The following PBRM1 variants were observed in gnomAD, a reference collection of about 807,000 sequenced individuals.
PBRM1 encodes the protein polybromo 1.
In PBRM1, 27 loss-of-function variants were observed where a neutral mutation model predicts 194.5. That is an observed-to-expected ratio of 0.14 (90% CI 0.10 to 0.19). The LOEUF (loss-of-function observed/expected upper bound fraction) is 0.19, where lower values mean the gene tolerates loss of function less well. PBRM1 is among the 10% of genes least tolerant of loss of function. The probability of loss-of-function intolerance (pLI) is 1.00; values close to 1 mark genes in which losing one functional copy is unlikely to be tolerated. For synonymous variants in PBRM1, 655 were observed against 693.2 expected, an observed-to-expected ratio of 0.94 and a Z score of 0.87; for missense variants, 1,466 against 2,077.2, an observed-to-expected ratio of 0.71 and a Z score of 5.72.
chr3:52,550,838 GCA>G, intron 27 of PBRM1, 21 bp from the exon 30 acceptor site: 1 of 1,532,088 alleles, frequency 6.5e-7, no homozygotes, highest in Non-Finnish European at 9.0e-7. Flanking sequence ...GAATGCAATG[GCA>G]CAGTTAGAGG....
intron 4 of PBRM1, among the ~76,000 whole-genome samples, chr3:52,661,515 CTG>C (rs2096724636): frequency 6.6e-6 from 1 of 152,074 alleles, no homozygotes; most frequent in African/African-American, 2.4e-5. Context: ...GAAGACAACC[CTG>C]TGATGACAGG....
intron 17 of PBRM1, among the ~76,000 whole-genome samples, chr3:52,589,607 A>G (rs1170453395): frequency 1.3e-5 from 2 of 152,218 alleles, no homozygotes; most frequent in Non-Finnish European, 2.9e-5. Flanking sequence ...AATTCTAGAG[A>G]TAATCTCTGA....
In PBRM1 at chr3:52,648,226, G is replaced by A. The variant is rs1008513541; in HGVS notation, c.813+118C>T. On this transcript the variant is annotated intron_variant, in intron 7 of 29. Coordinates refer to ENST00000296302, the Ensembl canonical transcript of PBRM1. ...CCAGCCTAAATTAAACACTTTTAAT[G>A]GGTAAAGTCCATGGTATGTGAATTA... The A allele has an allele frequency of 8.0e-6, 5 of 625,460 alleles. No individual in the cohort carries two copies. The East Asian group carries it at 1.4e-4, about 18-fold the overall frequency. 38.7% of individuals were successfully genotyped at this position (625,460 alleles called of 1,614,324 possible). A position where few individuals can be genotyped will look rare whatever the true frequency, so the allele number is the denominator to read the frequency against.
chr3:52,603,405 T>C (rs2153344969), intron 17 of PBRM1, 116 bp downstream of exon 19: 2 of 1,022,348 alleles, frequency 2.0e-6, no homozygotes, highest in South Asian at 1.7e-5. Flanking sequence ...TACTCTAATA[T>C]AGTCAATACC....
At chr3:52,670,358 C>T (rs1049521905) in intron 2 of PBRM1, among the ~76,000 whole-genome samples, 1 of 152,158 alleles carries the variant, frequency 6.6e-6, no homozygotes, top group Non-Finnish European at 1.5e-5. Context: ...ATCAAACATA[C>T]AGAAAACCAT....
At chr3:52,638,044 C>G (rs1381731865) in intron 10 of PBRM1, among the ~76,000 whole-genome samples, 1 of 152,088 alleles carries the variant, frequency 6.6e-6, no homozygotes, top group East Asian at 1.9e-4. Flanking sequence ...GGAACTGAAA[C>G]AATTATCAAA....
In PBRM1 at chr3:52,559,522, G is replaced by C. The variant is rs555813468; in HGVS notation, c.4289-1109C>G. On this transcript the variant is annotated intron_variant, in intron 25 of 29. Transcript: ENST00000296302. Reference sequence around the variant, plus strand: ...ACAGGCAGTCACTTGTCCAAGGATAGAGAGAACCAGCAACCCTATGGCCCT... The same window carrying C: ...ACAGGCAGTCACTTGTCCAAGGATACAGAGAACCAGCAACCCTATGGCCCT... Among the ~76,000 whole-genome samples the C allele has an allele frequency of 4.6e-5, 7 of 152,300 alleles. No individual in the cohort carries two copies. In the East Asian group the frequency reaches 9.7e-4, roughly 21 times the overall value.
chr3:52,577,259 C>T (rs2089911973), intron 21 of PBRM1, among the ~76,000 whole-genome samples: 1 of 151,902 alleles, frequency 6.6e-6, no homozygotes, highest in African/African-American at 2.4e-5. Context: ...GGTGAAACCC[C>T]ATCTCCACTA....
intron 17 of PBRM1, among the ~76,000 whole-genome samples, chr3:52,590,346 C>T (rs1352396602): frequency 6.6e-6 from 1 of 151,826 alleles, no homozygotes; most frequent in Non-Finnish European, 1.5e-5. Context: ...GTCCCAGCTA[C>T]TTGGGAGGTT....
chr3:52,645,293 T>A (rs2096257124), intron 7 of PBRM1, among the ~76,000 whole-genome samples: 1 of 151,970 alleles, frequency 6.6e-6, no homozygotes, highest in South Asian at 2.1e-4. Flanking sequence ...TTCTTTACAA[T>A]TTCATGAATA....
At chr3:52,678,143 GT>G (rs1368561088) in intron 2 of PBRM1, among the ~76,000 whole-genome samples, 1 of 151,288 alleles carries the variant, frequency 6.6e-6, no homozygotes, top group Non-Finnish European at 1.5e-5. Context: ...TTTTGTTTTT[GT>G]TTTTAAGAGA....
At chr3:52,614,708 T>C (rs569692996) in intron 15 of PBRM1, among the ~76,000 whole-genome samples, 29 of 152,094 alleles carry the variant, frequency 1.9e-4, no homozygotes, top group Admixed American at 1.7e-3. Flanking sequence ...GGAGCTGGGA[T>C]TACAGGCATG....
intron 11 of PBRM1, among the ~76,000 whole-genome samples, chr3:52,630,247 C>G (rs2095574900): frequency 2.1e-5 from 3 of 141,268 alleles, no homozygotes; most frequent in East Asian, 3.9e-4. Context: ...AATCCCAGTA[C>G]AGCAGAAGGT....
At chr3:52,622,649 A>C in intron 13 of PBRM1, among the ~76,000 whole-genome samples, 1 of 152,088 alleles carries the variant, frequency 6.6e-6, no homozygotes, top group East Asian at 1.9e-4. Context: ...CCGGAACCCA[A>C]CCCAATCTGA....
At chr3:52,664,963 A>G (rs899390142) in intron 3 of PBRM1, among the ~76,000 whole-genome samples, 1 of 152,144 alleles carries the variant, frequency 6.6e-6, no homozygotes, top group Non-Finnish European at 1.5e-5. Context: ...AAAGATATCC[A>G]CATCTAAATA....
At chr3:52,638,445 G>A (rs1172759176) in intron 10 of PBRM1, among the ~76,000 whole-genome samples, 4 of 150,776 alleles carry the variant, frequency 2.7e-5, no homozygotes, top group Admixed American at 6.6e-5. Flanking sequence ...TGCAACCTCC[G>A]CCTCCTGGGT....
Position 52,594,847 on chromosome 3 carries a change from A to G in PBRM1, c.2780-5592T>C, listed in dbSNP as rs546310479. ...CTTATGAAGCTTGGTTTGGCCGGACAGAAATTACTGGTTGGAATTTCTTTT... is the reference window on the plus strand; with the variant it reads ...CTTATGAAGCTTGGTTTGGCCGGACGGAAATTACTGGTTGGAATTTCTTTT... On this transcript the variant is annotated intron_variant, in intron 17 of 29. Transcript: ENST00000296302. Among the ~76,000 whole-genome samples, 7 of 152,354 alleles carry G rather than the reference A, an allele frequency of 4.6e-5. No homozygotes were observed. The East Asian group carries it at 1.4e-3, about 29-fold the overall frequency.
intron 13 of PBRM1, among the ~76,000 whole-genome samples, chr3:52,625,772 T>C: frequency 6.6e-6 from 1 of 152,186 alleles, no homozygotes; most frequent in African/African-American, 2.4e-5. Flanking sequence ...AGATGAGGTT[T>C]CACCACGTTG....
intron 27 of PBRM1, among the ~76,000 whole-genome samples, chr3:52,554,352 T>G (rs1045494225): frequency 6.6e-6 from 1 of 152,254 alleles, no homozygotes; most frequent in Non-Finnish European, 1.5e-5. Flanking sequence ...TACATGTTAC[T>G]CTGAACTAGC....
Sources: allele counts gnomAD v4.1 joint callset (sites outside exome capture counted in the v4.1 genomes callset), GRCh38; gene constraint gnomAD v4.1.1; transcripts MANE v1.5; gene names NCBI Gene and HGNC (gene_info 2026-07-23, HGNC 2026-07-21).